GABRA5: variants seen among roughly 807,000 people sequenced by gnomAD.
GABRA5 encodes gamma-aminobutyric acid receptor subunit alpha-5.
In GABRA5, 18 loss-of-function variants were observed where a neutral mutation model predicts 47.3. That is an observed-to-expected ratio of 0.38 (90% CI 0.26 to 0.56). GABRA5 has a LOEUF of 0.56. Ranked by LOEUF, GABRA5 falls within the 20% of genes least tolerant of loss-of-function variation. GABRA5 has a pLI of 0.71. For missense variants in GABRA5, 365 were observed against 599.3 expected, an observed-to-expected ratio of 0.61 and a Z score of 4.08; for synonymous variants, 237 against 229.3, an observed-to-expected ratio of 1.03 and a Z score of -0.30.
At chr15:26,888,342 C>T (rs1281543912) in intron 6 of GABRA5, among the ~76,000 whole-genome samples, 1 of 152,204 alleles carries the variant, frequency 6.6e-6, no homozygotes, top group Non-Finnish European at 1.5e-5. Flanking sequence ...CATTTTTCAG[C>T]AAATGGAGTG....
intron 7 of GABRA5, among the ~76,000 whole-genome samples, chr15:26,931,088 G>A (rs532055068): frequency 4.6e-5 from 7 of 150,688 alleles, no homozygotes; most frequent in South Asian, 2.1e-4. Context: ...TGGTAGAGAC[G>A]GGGTTTCACC....
chr15:26,887,677 C>A (rs1892912083), intron 6 of GABRA5, among the ~76,000 whole-genome samples: 1 of 152,156 alleles, frequency 6.6e-6, no homozygotes, highest in Non-Finnish European at 1.5e-5. Context: ...TAACCTGAGA[C>A]AAACATCTAG....
chr15:26,895,538 C>T (rs186366207), intron 6 of GABRA5, among the ~76,000 whole-genome samples: 9 of 152,052 alleles, frequency 5.9e-5, no homozygotes, highest in South Asian at 4.2e-4. Context: ...TGAGGCTGGG[C>T]GCGGTGGTTC....
intron 6 of GABRA5, among the ~76,000 whole-genome samples, chr15:26,890,931 T>C (rs2140266348): frequency 6.6e-6 from 1 of 152,300 alleles, no homozygotes; most frequent in Middle Eastern, 3.4e-3. Context: ...CCAGAGAATG[T>C]CTGGTTCACA....
chr15:26,911,398 A>AC (rs1566877398), intron 6 of GABRA5, among the ~76,000 whole-genome samples: 1,207 of 96,818 alleles, frequency 0.012, 5 homozygotes, highest in African/African-American at 0.017. Flanking sequence ...CACACACACA[A>AC]ACACACACAC....
At chr15:26,924,994 G>A (rs1893926814) in intron 7 of GABRA5, among the ~76,000 whole-genome samples, 1 of 151,916 alleles carries the variant, frequency 6.6e-6, no homozygotes, top group Non-Finnish European at 1.5e-5. Context: ...TTTATTTTAT[G>A]TATAATATGC....
intron 10 of GABRA5, among the ~76,000 whole-genome samples, chr15:26,945,854 C>T (rs1025026476): frequency 4.6e-5 from 6 of 130,236 alleles, no homozygotes; most frequent in African/African-American, 1.1e-4. Context: ...CCAGTAAAAA[C>T]GCACACCCTC....
At chr15:26,945,855 G>A (rs562980431) in intron 10 of GABRA5, among the ~76,000 whole-genome samples, 34 of 136,634 alleles carry the variant, frequency 2.5e-4, no homozygotes, top group East Asian at 1.7e-3. Flanking sequence ...CAGTAAAAAC[G>A]CACACCCTCA....
At chr15:26,900,818 A>G (rs772945492) in intron 6 of GABRA5, among the ~76,000 whole-genome samples, 22 of 152,114 alleles carry the variant, frequency 1.4e-4, no homozygotes, top group Non-Finnish European at 2.9e-5. Flanking sequence ...TCACAGGAGT[A>G]TTTTTGTTGC....
chr15:26,934,024 G>A (rs943437839), intron 7 of GABRA5, among the ~76,000 whole-genome samples: 12 of 151,990 alleles, frequency 7.9e-5, no homozygotes, highest in African/African-American at 2.4e-4. Flanking sequence ...AGGCTGAGGC[G>A]GGTGTATCGC....
intron 6 of GABRA5, among the ~76,000 whole-genome samples, chr15:26,905,189 A>C (rs568116320): frequency 6.6e-6 from 1 of 152,038 alleles, no homozygotes; most frequent in Non-Finnish European, 1.5e-5. Flanking sequence ...TGATTTTGGA[A>C]TGCTCCCTCA....
chr15:26,915,508 T>C (rs1047060901), intron 7 of GABRA5, among the ~76,000 whole-genome samples: 9 of 152,250 alleles, frequency 5.9e-5, no homozygotes, highest in African/African-American at 2.2e-4. Context: ...GTTGAGACAG[T>C]TGAAAAGTTC....
At chr15:26,912,461 C>A (rs969256533) in intron 6 of GABRA5, among the ~76,000 whole-genome samples, 3 of 152,144 alleles carry the variant, frequency 2.0e-5, no homozygotes, top group Admixed American at 1.3e-4. Flanking sequence ...TCTAATTTTC[C>A]TAATTCCAAT....
chr15:26,891,456 G>T (rs147678556), intron 6 of GABRA5, among the ~76,000 whole-genome samples: 4,569 of 152,252 alleles, frequency 0.03, 83 homozygotes, highest in Non-Finnish European at 0.044. Context: ...TATTTGCATA[G>T]ATAGAATATA....
chr15:26,939,557 C>G (rs941779357), intron 8 of GABRA5: 6 of 619,190 alleles, frequency 9.7e-6, no homozygotes, highest in Non-Finnish European at 1.7e-5. Flanking sequence ...CTGCAGGGCT[C>G]TGTGAAATCC....
intron 6 of GABRA5, among the ~76,000 whole-genome samples, chr15:26,895,421 A>G (rs1183320836): frequency 1.3e-5 from 2 of 151,948 alleles, no homozygotes; most frequent in African/African-American, 4.8e-5. Flanking sequence ...TTGGGGTGCA[A>G]TCCGAACTCC....
chr15:26,927,170 C>T (rs1016381513), intron 7 of GABRA5, among the ~76,000 whole-genome samples: 6 of 151,718 alleles, frequency 4.0e-5, no homozygotes, highest in Admixed American at 1.3e-4. Context: ...ATGGCACAAT[C>T]TCTGCTCGCT....
In GABRA5 at chr15:26,948,879, T is replaced by G. The variant is rs1053195808; in HGVS notation, c.*646T>G. Reference sequence around the variant, plus strand: ...ATTTCCCTGAGGAAAAAAAATCAACTGCTTAAATTTTTTGGGAAGAAAAAG... The same window carrying G: ...ATTTCCCTGAGGAAAAAAAATCAACGGCTTAAATTTTTTGGGAAGAAAAAG... On this transcript the variant is annotated 3_prime_UTR_variant, in exon 11 of 11. Transcript: ENST00000335625. The G allele has an allele frequency of 2.6e-5, 4 of 152,192 alleles. No homozygotes were observed. The highest frequency in any genetic ancestry group is 9.7e-5 in the African/African-American group (4 of 41,436). The allele number at this position is 152,192 out of a possible 1,614,324, so 9.4% of individuals were successfully genotyped here. A position where few individuals can be genotyped will look rare whatever the true frequency, so the allele number is the denominator to read the frequency against.
chr15:26,915,347 C>T (rs1367502299), intron 7 of GABRA5, among the ~76,000 whole-genome samples: 1 of 152,172 alleles, frequency 6.6e-6, no homozygotes, highest in Non-Finnish European at 1.5e-5. Flanking sequence ...TGTTCATAGT[C>T]AGTGCTCACC....
Sources: allele counts gnomAD v4.1 joint callset (sites outside exome capture counted in the v4.1 genomes callset), GRCh38; gene constraint gnomAD v4.1.1; transcripts MANE v1.5; gene names NCBI Gene and HGNC (gene_info 2026-07-23, HGNC 2026-07-21).